TAFA5: variants seen among roughly 807,000 people sequenced by gnomAD.
The protein encoded by TAFA5 is TAFA chemokine like family member 5.
TAFA5 carries 6 observed loss-of-function variants against 15.3 expected under a neutral mutation model. The ratio of observed to expected loss-of-function variants is 0.39; its 90% confidence interval spans 0.21 to 0.77. The LOEUF (loss-of-function observed/expected upper bound fraction) is 0.77. Ranked by LOEUF, TAFA5 falls within the 30% of genes least tolerant of loss-of-function variation. The probability of loss-of-function intolerance (pLI) is 0.41; values close to 1 mark genes in which losing one functional copy is unlikely to be tolerated. For synonymous variants in TAFA5, 103 were observed against 80.7 expected (o/e 1.28, Z -1.48); for missense variants, 161 against 193.1 (o/e 0.83, Z 0.98).
chr22:48,618,921 T>C (rs1272570624), intron 1 of TAFA5, among the ~76,000 whole-genome samples: 2 of 152,190 alleles, frequency 1.3e-5, no homozygotes, highest in African/African-American at 4.8e-5. Context: ...CCTGGGAGGC[T>C]GGTGGAGTCC....
At chr22:48,631,009 T>C (rs1163814634) in intron 1 of TAFA5, among the ~76,000 whole-genome samples, 2 of 152,138 alleles carry the variant, frequency 1.3e-5, no homozygotes, top group Non-Finnish European at 2.9e-5. Flanking sequence ...GGGCCGGCGC[T>C]CTGGAATGCA....
rs1324613809 is a variant in TAFA5, at chr22:48,564,486, A to G, written c.112+74782A>G. On this transcript the variant is annotated intron_variant, in intron 1 of 3. Transcript: ENST00000402357. The stretch of plus-strand genomic sequence containing the variant: ...TTGCAGCTGCAGGACAGTGGGCTGG[A>G]ATTCTGCTGTCACATGTGGTCTGGT... 2.6e-5 allele frequency among the ~76,000 whole-genome samples: 4 copies of G among 152,214 alleles called. No individual in the cohort carries two copies. In the East Asian group the frequency reaches 7.7e-4, roughly 29 times the overall value.
rs942134032 is a variant in TAFA5, at chr22:48,490,973, G to C, written c.112+1269G>C. The stretch of plus-strand genomic sequence containing the variant: ...TGGGACAGCCCAGCTCGCCAGGATC[G>C]CAAGGGAAACCCGGGGACCAGAGCA... On this transcript the variant is annotated intron_variant, in intron 1 of 3. Transcript: ENST00000402357. The surrounding 1 kb of genome is among the most constrained non-coding windows in gnomAD (Gnocchi z 5.8). Among the ~76,000 whole-genome samples the C allele has an allele frequency of 6.6e-6, 1 of 152,120 alleles. No individual in the cohort carries two copies. The highest frequency in any genetic ancestry group is 2.4e-5 in the African/African-American group (1 of 41,428).
intron 1 of TAFA5, among the ~76,000 whole-genome samples, chr22:48,589,678 TAGAAG>T (rs1357642155): frequency 2.0e-5 from 3 of 148,320 alleles, no homozygotes; most frequent in Non-Finnish European, 3.0e-5. Flanking sequence ...GGCAAGTCCT[TAGAAG>T]AGAAGAGAAG....
intron 1 of TAFA5, among the ~76,000 whole-genome samples, chr22:48,634,213 GACTA>G (rs982384233): frequency 4.0e-5 from 6 of 149,542 alleles, no homozygotes; most frequent in Admixed American, 1.3e-4. Flanking sequence ...CTCACTCATT[GACTA>G]ACTCACTTAT....
intron 1 of TAFA5, among the ~76,000 whole-genome samples, chr22:48,593,853 A>G (rs1313103890): frequency 6.6e-6 from 1 of 152,182 alleles, no homozygotes; most frequent in Non-Finnish European, 1.5e-5. Context: ...ACCCCAGTGC[A>G]ACTGTGAGCA....
rs1403438806 is a variant in TAFA5, at chr22:48,489,617, A to T, written c.25A>T (p.Ser9Cys). The T allele has an allele frequency of 4.7e-6, 7 of 1,503,176 alleles. No homozygotes were observed. Among genetic ancestry groups the T allele is most frequent in the Non-Finnish European group, 6.2e-6 (7 of 1,123,970 alleles). The allele number at this position is 1,503,176 out of a possible 1,614,324, so 93.1% of individuals were successfully genotyped here. A position where few individuals can be genotyped will look rare whatever the true frequency, so the allele number is the denominator to read the frequency against. ...AATGGCGCCATCGCCCAGGACCGGCAGCCGGCAAGATGCGACCGCCCTGCC... is the reference window on the plus strand; with the variant it reads ...AATGGCGCCATCGCCCAGGACCGGCTGCCGGCAAGATGCGACCGCCCTGCC... MAPSPRTG[S>C]RQDATALPSM... Residue 9 changes from serine (S) to cysteine (C), a missense_variant, in exon 1 of 4, where the codon AGC (serine) becomes TGC (cysteine). By Grantham distance (112) the Ser-to-Cys change is moderately radical. Transcript: ENST00000402357. The surrounding 1 kb of genome is among the most constrained non-coding windows in gnomAD (Gnocchi z 5.5).
intron 3 of TAFA5, among the ~76,000 whole-genome samples, chr22:48,713,754 G>A (rs1929323459): frequency 2.0e-5 from 3 of 152,226 alleles, no homozygotes; most frequent in South Asian, 4.1e-4. Flanking sequence ...GCCTTGTCCA[G>A]GCCACCAGGA....
intron 2 of TAFA5, among the ~76,000 whole-genome samples, chr22:48,682,238 T>C (rs1247868067): frequency 2.0e-5 from 3 of 152,180 alleles, no homozygotes; most frequent in African/African-American, 2.4e-5. Flanking sequence ...GCCTCAGGAA[T>C]GACCTGACCT....
At chr22:48,595,634 C>T (rs1924738083) in intron 1 of TAFA5, among the ~76,000 whole-genome samples, 1 of 152,268 alleles carries the variant, frequency 6.6e-6, no homozygotes, top group African/African-American at 2.4e-5. Context: ...CGTGCTGCCA[C>T]ACGCAGTGCA....
At chr22:48,615,695 G>A (rs1030822676) in intron 1 of TAFA5, among the ~76,000 whole-genome samples, 21 of 152,116 alleles carry the variant, frequency 1.4e-4, no homozygotes, top group African/African-American at 4.1e-4. Flanking sequence ...CCTGGCCCCC[G>A]CCCCCATCCC....
chr22:48,506,270 C>T (rs148305975), intron 1 of TAFA5, among the ~76,000 whole-genome samples: 168 of 152,340 alleles, frequency 1.1e-3, no homozygotes, highest in African/African-American at 3.9e-3. Context: ...CAGCACAATC[C>T]GTGCAGCCTT....
At chr22:48,633,615 T>C (rs1926328011) in intron 1 of TAFA5, among the ~76,000 whole-genome samples, 1 of 151,196 alleles carries the variant, frequency 6.6e-6, no homozygotes, top group Non-Finnish European at 1.5e-5. Context: ...GCATCTTTCT[T>C]GGTGCAAATT....
intron 1 of TAFA5, among the ~76,000 whole-genome samples, chr22:48,492,432 G>T (rs1928186915): frequency 6.6e-6 from 1 of 152,218 alleles, no homozygotes; most frequent in Non-Finnish European, 1.5e-5. Flanking sequence ...AGTGCAGCTA[G>T]GAGGAAACTG....
chr22:48,660,895 T>G (rs921331867), intron 2 of TAFA5, among the ~76,000 whole-genome samples: 1 of 151,894 alleles, frequency 6.6e-6, no homozygotes, highest in African/African-American at 2.4e-5. Flanking sequence ...TGCCTACAGC[T>G]GCTCTTACAG....
intron 1 of TAFA5, among the ~76,000 whole-genome samples, chr22:48,509,733 C>T (rs1921139471): frequency 6.6e-6 from 1 of 152,108 alleles, no homozygotes. Flanking sequence ...GGGCGGATCA[C>T]GAGGTCAGAA....
Position 48,490,644 on chromosome 22 carries a change from C to T in TAFA5, c.112+940C>T, listed in dbSNP as rs1034482400. Among the ~76,000 whole-genome samples the T allele has an allele frequency of 2.0e-5, 3 of 151,960 alleles. No individual in the cohort carries two copies. Among genetic ancestry groups the T allele is most frequent in the African/African-American group, 7.2e-5 (3 of 41,384 alleles). On this transcript the variant is annotated intron_variant, in intron 1 of 3. Coordinates refer to ENST00000402357, the MANE Select transcript of TAFA5 (RefSeq NM_001082967.3). The surrounding 1 kb of genome is among the most constrained non-coding windows in gnomAD (Gnocchi z 5.8). ...GCACAGGCTCTGGCCCCAGATGGCG[C>T]GGGCTGGTCGGCTTCAGCTCCGGGA...
intron 1 of TAFA5, among the ~76,000 whole-genome samples, chr22:48,605,438 G>A (rs879821548): frequency 0.094 from 13,729 of 146,312 alleles, 814 homozygotes; most frequent in East Asian, 0.12. Flanking sequence ...GGTGGTGGTG[G>A]TGGTGGTGAT....
intron 3 of TAFA5, among the ~76,000 whole-genome samples, chr22:48,732,874 G>A (rs1026914819): frequency 1.2e-4 from 19 of 152,176 alleles, no homozygotes; most frequent in African/African-American, 4.6e-4. Flanking sequence ...CAGCATCGCG[G>A]CAAGACCCTC....
Sources: allele counts gnomAD v4.1 joint callset (sites outside exome capture counted in the v4.1 genomes callset), GRCh38; gene constraint gnomAD v4.1.1; non-coding constraint Gnocchi (gnomAD v3.1); transcripts MANE v1.5; gene names NCBI Gene and HGNC (gene_info 2026-07-23, HGNC 2026-07-21).